The following STXBP6 variants were observed in gnomAD, a reference collection of about 807,000 sequenced individuals.
STXBP6 encodes the protein syntaxin binding protein 6, also known as syntaxin-binding protein 6.
STXBP6 carries 21 observed loss-of-function variants against 26.9 expected under a neutral mutation model. That is an observed-to-expected ratio of 0.78 (90% CI 0.55 to 1.12). The LOEUF is 1.12. Ranked by LOEUF, STXBP6 falls within the 50% of genes most tolerant of loss-of-function variation. STXBP6 has a pLI of 0.00. For missense variants in STXBP6, 232 were observed against 257.9 expected (o/e 0.90, Z 0.69); for synonymous variants, 97 against 92.6 (o/e 1.05, Z -0.27).
intron 1 of STXBP6, among the ~76,000 whole-genome samples, chr14:25,038,357 G>A (rs892978375): frequency 6.6e-6 from 1 of 152,140 alleles, no homozygotes; most frequent in Non-Finnish European, 1.5e-5. Flanking sequence ...ATCAGCAGTT[G>A]TAGACACACA....
chr14:24,875,562 A>G (rs2070106911), intron 2 of STXBP6, among the ~76,000 whole-genome samples: 1 of 152,170 alleles, frequency 6.6e-6, no homozygotes, highest in African/African-American at 2.4e-5. Context: ...GCTTCATGCT[A>G]TGAGAAATCT....
chr14:25,002,359 C>CTTTTTTTTTTTTTTTTTTTTTTTTT (rs747010332), intron 1 of STXBP6, among the ~76,000 whole-genome samples: 15 of 121,362 alleles, frequency 1.2e-4, no homozygotes, highest in East Asian at 4.4e-4. Flanking sequence ...ATTCTTATGA[C>CTTTTTTTTTTTTTTTTTTTTTTTTT]TTTTTTTTTT....
At chr14:25,003,473 C>T (rs1260570151) in intron 1 of STXBP6, among the ~76,000 whole-genome samples, 1 of 152,108 alleles carries the variant, frequency 6.6e-6, no homozygotes, top group Non-Finnish European at 1.5e-5. Context: ...GTGCATGCAT[C>T]CATTTTCAGA....
At chr14:24,958,722 T>C (rs933372271) in intron 2 of STXBP6, among the ~76,000 whole-genome samples, 4 of 152,182 alleles carry the variant, frequency 2.6e-5, no homozygotes, top group African/African-American at 4.8e-5. Flanking sequence ...GGCTCTTTAG[T>C]ATCAAGTTGC....
chr14:24,865,056 A>T (rs1338999672), intron 2 of STXBP6, among the ~76,000 whole-genome samples: 3 of 121,700 alleles, frequency 2.5e-5, no homozygotes, highest in African/African-American at 5.8e-5. Context: ...ATTGTAATTT[A>T]AAAAATATTT....
At chr14:24,875,785 A>G (rs2070119752) in intron 2 of STXBP6, among the ~76,000 whole-genome samples, 1 of 152,218 alleles carries the variant, frequency 6.6e-6, no homozygotes, top group South Asian at 2.1e-4. Context: ...TACTGTGTGC[A>G]TACTGAAGGA....
chr14:24,987,405 C>T (rs1337603994), intron 1 of STXBP6, among the ~76,000 whole-genome samples: 1 of 152,236 alleles, frequency 6.6e-6, no homozygotes, highest in African/African-American at 2.4e-5. Context: ...CCACCCACTT[C>T]CTAGGACTGT....
intron 2 of STXBP6, among the ~76,000 whole-genome samples, chr14:24,894,023 A>AT: frequency 6.6e-6 from 1 of 152,256 alleles, no homozygotes; most frequent in Non-Finnish European, 1.5e-5. Flanking sequence ...AACATGTGTT[A>AT]TACAGGTTCT....
At chr14:24,833,251 G>A (rs1036744392) in intron 4 of STXBP6, among the ~76,000 whole-genome samples, 2 of 152,144 alleles carry the variant, frequency 1.3e-5, no homozygotes, top group Non-Finnish European at 2.9e-5. Flanking sequence ...CCCCTTTCAT[G>A]AGCTTGGTTA....
chr14:24,859,076 T>C (rs979690441), intron 2 of STXBP6, among the ~76,000 whole-genome samples: 3 of 152,178 alleles, frequency 2.0e-5, no homozygotes, highest in Admixed American at 2.0e-4. Context: ...TCACTGTATA[T>C]TGCGGGCATG....
intron 2 of STXBP6, among the ~76,000 whole-genome samples, chr14:24,864,044 C>A (rs751539605): frequency 6.6e-6 from 1 of 152,060 alleles, no homozygotes; most frequent in Non-Finnish European, 1.5e-5. Flanking sequence ...TGGTATTAGA[C>A]AAGGAAGATA....
chr14:24,817,325 T>C (rs1208438374), intron 5 of STXBP6: 2 of 152,244 alleles, frequency 1.3e-5, no homozygotes, highest in Non-Finnish European at 2.9e-5. Context: ...ATCCAGGTAT[T>C]GTCTATGCCA....
intron 1 of STXBP6, among the ~76,000 whole-genome samples, chr14:25,002,178 A>G (rs966066372): frequency 2.0e-5 from 3 of 152,218 alleles, no homozygotes; most frequent in Non-Finnish European, 4.4e-5. Context: ...TAAGTAGATG[A>G]GGCTAGATTA....
intron 4 of STXBP6, among the ~76,000 whole-genome samples, chr14:24,822,136 G>C (rs1181000844): frequency 6.6e-6 from 1 of 152,124 alleles, no homozygotes; most frequent in East Asian, 1.9e-4. Flanking sequence ...AGTTCAGTAA[G>C]TCAAAACCTC....
intron 2 of STXBP6, among the ~76,000 whole-genome samples, chr14:24,969,660 T>G (rs922601798): frequency 2.0e-5 from 3 of 152,198 alleles, no homozygotes; most frequent in Non-Finnish European, 4.4e-5. Context: ...ATGTGCTGGG[T>G]GCTATAAGGA....
chr14:24,939,823 G>A (rs528574659), intron 2 of STXBP6, among the ~76,000 whole-genome samples: 1 of 152,250 alleles, frequency 6.6e-6, no homozygotes, highest in East Asian at 1.9e-4. Context: ...TAAAAATCTT[G>A]TGTGTTTTGT....
intron 2 of STXBP6, among the ~76,000 whole-genome samples, chr14:24,941,629 T>C (rs1428838484): frequency 6.6e-6 from 1 of 152,136 alleles, no homozygotes; most frequent in Non-Finnish European, 1.5e-5. Flanking sequence ...TAACCAGAGT[T>C]TTGACTTCTG....
intron 4 of STXBP6, among the ~76,000 whole-genome samples, chr14:24,849,577 G>T (rs1452701375): frequency 3.9e-5 from 6 of 152,086 alleles, no homozygotes; most frequent in African/African-American, 1.2e-4. Context: ...AGTTCCTCAT[G>T]AATCATTTTC....
intron 2 of STXBP6, among the ~76,000 whole-genome samples, chr14:24,955,762 C>T (rs1269972355): frequency 6.6e-6 from 1 of 152,290 alleles, no homozygotes; most frequent in South Asian, 2.1e-4. Context: ...ACTGAACCAA[C>T]TGTGTGGGCA....
Sources: gnomAD v4.1 joint callset for allele counts (sites outside exome capture counted in the v4.1 genomes callset) on GRCh38, gnomAD v4.1.1 for gene constraint, MANE v1.5 for transcripts, NCBI Gene and HGNC (gene_info 2026-07-23, HGNC 2026-07-21) for gene names.